The following VPS13B variants were observed in gnomAD, a reference collection of about 807,000 sequenced individuals.
The protein encoded by VPS13B is intermembrane lipid transfer protein VPS13B.
Under a neutral mutation model 426.4 loss-of-function variants are expected in VPS13B, and 285 were observed. The ratio of observed to expected loss-of-function variants is 0.67; its 90% confidence interval spans 0.61 to 0.74. VPS13B has a LOEUF of 0.74. Among genes scored for constraint, VPS13B ranks in the 30% least tolerant of loss-of-function variants. The pLI, the probability that VPS13B is intolerant of heterozygous loss-of-function variation, is 0.00. For synonymous variants in VPS13B, 1,676 were observed against 1,676.4 expected (o/e 1.00, Z 0.01); for missense variants, 4,537 against 4,782.6 (o/e 0.95, Z 1.51).
chr8:99,362,552 A>G (rs988301424), intron 19 of VPS13B, among the ~76,000 whole-genome samples: 4 of 152,206 alleles, frequency 2.6e-5, no homozygotes, highest in Non-Finnish European at 5.9e-5. Context: ...GAAGTAAGGG[A>G]AAAATGGTCT....
intron 33 of VPS13B, among the ~76,000 whole-genome samples, chr8:99,616,770 A>T (rs1828111975): frequency 6.6e-6 from 1 of 152,236 alleles, no homozygotes; most frequent in Non-Finnish European, 1.5e-5. Context: ...AGTTGCGGTG[A>T]GCCGAGATTG....
chr8:99,450,214 A>C (rs1185644379), intron 23 of VPS13B, among the ~76,000 whole-genome samples: 3 of 152,220 alleles, frequency 2.0e-5, no homozygotes. Flanking sequence ...TGACAGGAGA[A>C]AAAGGATGGT....
chr8:99,541,035 C>T (rs907712699), intron 30 of VPS13B, among the ~76,000 whole-genome samples: 6 of 151,964 alleles, frequency 3.9e-5, no homozygotes, highest in African/African-American at 1.2e-4. Context: ...TATATGTTGC[C>T]TCAATTCTCC....
At chr8:99,741,118 G>T (rs1185203955) in intron 39 of VPS13B, among the ~76,000 whole-genome samples, 1 of 152,120 alleles carries the variant, frequency 6.6e-6, no homozygotes, top group Non-Finnish European at 1.5e-5. Flanking sequence ...AAAATAAAGG[G>T]ATAGAGGAAG....
intron 16 of VPS13B, among the ~76,000 whole-genome samples, chr8:99,172,254 A>G (rs1313807620): frequency 6.6e-6 from 1 of 152,146 alleles, no homozygotes; most frequent in Non-Finnish European, 1.5e-5. Context: ...GTAGAGAAAT[A>G]TATGCAACAT....
At chr8:99,395,699 A>T (rs1002905224) in intron 21 of VPS13B, among the ~76,000 whole-genome samples, 3 of 152,226 alleles carry the variant, frequency 2.0e-5, no homozygotes, top group Non-Finnish European at 4.4e-5. Flanking sequence ...AACAGTTGCA[A>T]ACATTCAATA....
chr8:99,572,658 T>G (rs1435021712), intron 31 of VPS13B, among the ~76,000 whole-genome samples: 1 of 152,238 alleles, frequency 6.6e-6, no homozygotes, highest in African/African-American at 2.4e-5. Context: ...CTGCATAGTA[T>G]TCCATGGTGT....
intron 19 of VPS13B, among the ~76,000 whole-genome samples, chr8:99,356,672 T>C (rs972864185): frequency 6.6e-6 from 1 of 152,176 alleles, no homozygotes; most frequent in Non-Finnish European, 1.5e-5. Flanking sequence ...CAAGTATCTT[T>C]ACCATTTTTT....
intron 39 of VPS13B, among the ~76,000 whole-genome samples, chr8:99,740,771 GC>G (rs1242478140): frequency 6.6e-6 from 1 of 152,126 alleles, no homozygotes; most frequent in East Asian, 1.9e-4. Context: ...ACAAGCAAAT[GC>G]TGAGAGATTT....
At chr8:99,795,673 C>T (rs1163284703) in intron 43 of VPS13B, among the ~76,000 whole-genome samples, 3 of 152,202 alleles carry the variant, frequency 2.0e-5, no homozygotes, top group Non-Finnish European at 2.9e-5. Flanking sequence ...CAAGACATCA[C>T]ATGGAGCTGC....
chr8:99,542,514 A>G (rs1422215545), intron 30 of VPS13B, among the ~76,000 whole-genome samples: 2 of 152,170 alleles, frequency 1.3e-5, no homozygotes, highest in African/African-American at 2.4e-5. Context: ...ACTTAGAGAC[A>G]TGAGGATGCT....
At chr8:99,572,806 G>C (rs1825550438) in intron 31 of VPS13B, among the ~76,000 whole-genome samples, 1 of 152,066 alleles carries the variant, frequency 6.6e-6, no homozygotes, top group African/African-American at 2.4e-5. Context: ...ATAATCCTTT[G>C]GGTATATACC....
At chr8:99,198,352 T>A (rs1383036389) in intron 17 of VPS13B, among the ~76,000 whole-genome samples, 8 of 152,252 alleles carry the variant, frequency 5.3e-5, no homozygotes, top group South Asian at 2.1e-4. Flanking sequence ...ATGTTTTTTT[T>A]AAATTTTAAA....
intron 33 of VPS13B, among the ~76,000 whole-genome samples, chr8:99,593,721 G>A (rs1246568169): frequency 6.6e-6 from 1 of 152,130 alleles, no homozygotes. Flanking sequence ...GGAATAGTGT[G>A]CAGCCATAAA....
rs145569846 is a variant in VPS13B, at chr8:99,481,798, C to G, written c.3866C>G (p.Thr1289Ser). The G allele has an allele frequency of 3.0e-4, 478 of 1,613,712 alleles. 2 individuals are homozygous for G. In the African/African-American group the frequency reaches 5.4e-3, roughly 18 times the overall value. The change falls in exon 25 of 62, where the codon ACT becomes AGT. Residue 1289 changes from threonine (T) to serine (S), a missense_variant. Physicochemically the swap from Thr to Ser is moderately conservative, Grantham distance 58 (BLOSUM62 1). Transcript: ENST00000357162. The stretch of plus-strand genomic sequence containing the variant: ...CCATCTGCTGACATTGGGACTACTA[C>G]TGAGGTAAGTGTTTTTGAAAATCCT... ...CSPSADIGTT[T>S]EGDSIQAGEE...
At position 99,431,529 on chromosome 8, in the gene VPS13B, G is replaced by C; in HGVS notation, c.3083-8G>C. 1 of 1,612,862 alleles carries C rather than the reference G, an allele frequency of 6.2e-7. No individual in the cohort carries two copies. The highest frequency in any genetic ancestry group is 1.1e-5 in the South Asian group (1 of 91,028). ...TTCTATTAAATAATTAGCTATTCTCGTACTCAGAATCCCGCCCATTGTCAG... is the reference window on the plus strand; with the variant it reads ...TTCTATTAAATAATTAGCTATTCTCCTACTCAGAATCCCGCCCATTGTCAG... On this transcript the variant is annotated splice_region_variant and splice_polypyrimidine_tract_variant and intron_variant, in intron 21 of 61. Transcript: ENST00000357162.
chr8:99,498,072 T>A (rs1821028438), intron 25 of VPS13B, among the ~76,000 whole-genome samples: 1 of 152,138 alleles, frequency 6.6e-6, no homozygotes. Context: ...CCTTTCCTAT[T>A]TCAAAATATT....
intron 12 of VPS13B, among the ~76,000 whole-genome samples, chr8:99,136,989 T>C (rs1810102848): frequency 6.6e-6 from 1 of 152,206 alleles, no homozygotes; most frequent in Non-Finnish European, 1.5e-5. Context: ...GAATTAGTTC[T>C]CATGTGTACC....
intron 19 of VPS13B, among the ~76,000 whole-genome samples, chr8:99,362,378 G>A (rs1015185032): frequency 5.3e-5 from 8 of 151,980 alleles, no homozygotes; most frequent in Non-Finnish European, 1.0e-4. Flanking sequence ...TCCTGACCTC[G>A]TGATCCTCCT....
Sources: gnomAD v4.1 joint callset for allele counts (sites outside exome capture counted in the v4.1 genomes callset) on GRCh38, gnomAD v4.1.1 for gene constraint, MANE v1.5 for transcripts, NCBI Gene and HGNC (gene_info 2026-07-23, HGNC 2026-07-21) for gene names.